CRPPA: variants seen among roughly 807,000 people sequenced by gnomAD.
CRPPA encodes the protein D-ribitol-5-phosphate cytidylyltransferase.
A neutral mutation model predicts 52.0 loss-of-function variants in CRPPA; 43 were observed. The observed-to-expected ratio is 0.83, with a 90% CI of 0.65 to 1.07. The LOEUF (loss-of-function observed/expected upper bound fraction) is 1.07, where lower values mean the gene tolerates loss of function less well. CRPPA is among the 50% of genes least tolerant of loss of function. The probability of loss-of-function intolerance (pLI) is 0.00; values close to 1 mark genes in which losing one functional copy is unlikely to be tolerated. For missense variants in CRPPA, 629 were observed against 551.7 expected, an observed-to-expected ratio of 1.14 and a Z score of -1.40; for synonymous variants, 250 against 203.5, an observed-to-expected ratio of 1.23 and a Z score of -1.94.
chr7:16,132,023 G>C (rs1020211117), intron 9 of CRPPA, among the ~76,000 whole-genome samples: 3 of 152,152 alleles, frequency 2.0e-5, no homozygotes, highest in Admixed American at 6.5e-5. Flanking sequence ...GCTTCCATTA[G>C]GGCAATGCCT....
chr7:16,197,705 C>T (rs1562551535), intron 9 of CRPPA, among the ~76,000 whole-genome samples: 1 of 150,838 alleles, frequency 6.6e-6, no homozygotes, highest in Non-Finnish European at 1.5e-5. Flanking sequence ...CCATCCAAAT[C>T]TCTGCACTAG....
chr7:16,125,850 T>G (rs914855245), intron 9 of CRPPA, among the ~76,000 whole-genome samples: 3 of 146,990 alleles, frequency 2.0e-5, no homozygotes, highest in Non-Finnish European at 4.5e-5. Flanking sequence ...AAATATGTAT[T>G]GGTGGTAGCA....
intron 1 of CRPPA, among the ~76,000 whole-genome samples, chr7:16,413,795 A>G (rs1191313859): frequency 6.6e-6 from 1 of 152,240 alleles, no homozygotes; most frequent in East Asian, 1.9e-4. Flanking sequence ...ATAATGAAAT[A>G]TAGACTTTCA....
At chr7:16,397,534 A>G (rs1390051359) in intron 2 of CRPPA, among the ~76,000 whole-genome samples, 11 of 141,048 alleles carry the variant, frequency 7.8e-5, no homozygotes, top group South Asian at 4.8e-4. Flanking sequence ...TGATCAACAC[A>G]ACATGTGATT....
intron 2 of CRPPA, among the ~76,000 whole-genome samples, chr7:16,378,469 T>C (rs1045592910): frequency 3.3e-4 from 50 of 151,880 alleles, no homozygotes; most frequent in Non-Finnish European, 5.6e-4. Context: ...CATAGTATTC[T>C]ATGGTGTATA....
chr7:16,199,941 T>A (rs1427419991), intron 9 of CRPPA, among the ~76,000 whole-genome samples: 2 of 148,620 alleles, frequency 1.3e-5, no homozygotes, highest in Non-Finnish European at 3.0e-5. Context: ...CACTGCAAGC[T>A]CTCCCTCCTG....
intron 3 of CRPPA, among the ~76,000 whole-genome samples, chr7:16,323,269 C>T (rs1227715530): frequency 6.6e-6 from 1 of 152,110 alleles, no homozygotes; most frequent in Non-Finnish European, 1.5e-5. Flanking sequence ...AGGGATATGA[C>T]CTAACTCTAT....
chr7:16,216,286 T>C, intron 8 of CRPPA, 89 bp from the exon 9 acceptor site: 5 of 766,802 alleles, frequency 6.5e-6, no homozygotes, highest in Non-Finnish European at 1.0e-5. Flanking sequence ...AAAACCCATA[T>C]GATTACAATA....
chr7:16,409,965 T>C (rs1788040240), intron 1 of CRPPA, among the ~76,000 whole-genome samples: 2 of 152,230 alleles, frequency 1.3e-5, no homozygotes, highest in African/African-American at 4.8e-5. Flanking sequence ...CAGTCTCATC[T>C]ACTGGGGGCA....
At chr7:16,362,188 G>A (rs1469729762) in intron 3 of CRPPA, among the ~76,000 whole-genome samples, 1 of 152,340 alleles carries the variant, frequency 6.6e-6, no homozygotes, top group South Asian at 2.1e-4. Flanking sequence ...GCATGTCTCA[G>A]TCTACTCAGA....
chr7:16,160,242 A>G (rs1356100413), intron 9 of CRPPA, among the ~76,000 whole-genome samples: 2 of 152,184 alleles, frequency 1.3e-5, no homozygotes, highest in African/African-American at 2.4e-5. Context: ...GTCTCTGCCT[A>G]TGCCTATGTC....
chr7:16,387,073 A>ATACACATATATATATACG lies in CRPPA; in HGVS notation c.535-10833_535-10832insCGTATATATATATGTGTA, dbSNP rs1562671585. On this transcript the variant is annotated intron_variant, in intron 2 of 9. Coordinates refer to ENST00000407010, the MANE Select transcript of CRPPA (RefSeq NM_001101426.4). ...TATATATATATATATATATATATAT[A>ATACACATATATATATACG]TATATATATATATACACACATATAT... 3.4e-4 allele frequency among the ~76,000 whole-genome samples: 22 copies of ATACACATATATATATACG among 65,064 alleles called. 1 individual carries two copies. Among genetic ancestry groups the ATACACATATATATATACG allele is most frequent in the African/African-American group, 1.9e-3 (22 of 11,700 alleles). 42.7% of individuals were successfully genotyped at this position (65,064 alleles called of 152,430 possible).
chr7:16,111,923 C>T (rs1327545169), intron 9 of CRPPA, among the ~76,000 whole-genome samples: 1 of 152,074 alleles, frequency 6.6e-6, no homozygotes, highest in Admixed American at 6.6e-5. Flanking sequence ...GTTCTCACCA[C>T]AAAAAATTAA....
intron 8 of CRPPA, among the ~76,000 whole-genome samples, chr7:16,242,511 A>G (rs1163310319): frequency 2.6e-5 from 4 of 152,166 alleles, no homozygotes; most frequent in Non-Finnish European, 5.9e-5. Context: ...GGTGGTAGCA[A>G]TACTACACAC....
intron 2 of CRPPA, among the ~76,000 whole-genome samples, chr7:16,389,928 A>AAAATAT: frequency 2.7e-4 from 8 of 29,772 alleles, no homozygotes; most frequent in African/African-American, 1.2e-3. Context: ...AAAAAAAAAA[A>AAAATAT]ATATATATAT....
Position 16,286,097 on chromosome 7 carries a change from A to AAAAAAATATAT in CRPPA, c.836-7872_836-7871insATATATTTTTT. On this transcript the variant is annotated intron_variant, in intron 5 of 9. Transcript: ENST00000407010. Reference sequence around the variant, plus strand: ...TATATATATAATATTTAAAAAAAAAAATATATATATATATATATATGCCAA... The same window carrying AAAAAAATATAT: ...TATATATATAATATTTAAAAAAAAAAAAAAAATATATATATATATATATATATATATGCCAA... Among the ~76,000 whole-genome samples, 329 of 39,098 alleles carry AAAAAAATATAT rather than the reference A, an allele frequency of 8.4e-3. 43 individuals are homozygous for AAAAAAATATAT. Among genetic ancestry groups the AAAAAAATATAT allele is most frequent in the Non-Finnish European group, 0.011 (260 of 24,626 alleles). The allele number at this position is 39,098 out of a possible 152,430, so 25.6% of individuals were successfully genotyped here. A position where few individuals can be genotyped will look rare whatever the true frequency, so the allele number is the denominator to read the frequency against.
chr7:16,421,299 G>C lies in CRPPA; in HGVS notation c.24C>G (p.Ser8Arg). 7.9e-7 allele frequency: 1 copy of C among 1,265,034 alleles called. No individual in the cohort carries two copies. Among genetic ancestry groups the C allele is most frequent in the Non-Finnish European group, 1.0e-6 (1 of 1,000,668 alleles). 78.4% of individuals were successfully genotyped at this position (1,265,034 alleles called of 1,614,324 possible). A position where few individuals can be genotyped will look rare whatever the true frequency, so the allele number is the denominator to read the frequency against. The change falls in exon 1 of 10, where the codon AGC becomes AGG. Residue 8 changes from serine to arginine, a missense_variant. Ser to Arg is a moderately radical substitution (Grantham distance 110). Transcript: ENST00000407010. ...AAGGACCCGGCTCCGCCGGCCTGGC[G>C]CTGCCCGGCGGCCCGGCCTCCATGG... is the stretch of plus-strand genomic sequence containing the variant. MEAGPPG[S>R]ARPAEPGPCL...
chr7:16,328,042 T>C (rs1408122231), intron 3 of CRPPA, among the ~76,000 whole-genome samples: 1 of 152,242 alleles, frequency 6.6e-6, no homozygotes. Flanking sequence ...GTTTCTCCTT[T>C]CATCATATCT....
At chr7:16,323,246 T>C (rs978701291) in intron 3 of CRPPA, among the ~76,000 whole-genome samples, 47 of 152,202 alleles carry the variant, frequency 3.1e-4, no homozygotes, top group African/African-American at 1.1e-3. Context: ...TTATGCAGCA[T>C]ATTTAATGTC....
Sources: gnomAD v4.1 joint callset for allele counts (sites outside exome capture counted in the v4.1 genomes callset) on GRCh38, gnomAD v4.1.1 for gene constraint, MANE v1.5 for transcripts, NCBI Gene and HGNC (gene_info 2026-07-23, HGNC 2026-07-21) for gene names.